The following TBC1D22A variants were observed in gnomAD, a reference collection of about 807,000 sequenced individuals.
TBC1D22A encodes TBC1 domain family member 22A.
Under a neutral mutation model 60.2 loss-of-function variants are expected in TBC1D22A, and 38 were observed. The ratio of observed to expected loss-of-function variants is 0.63; its 90% CI spans 0.49 to 0.83. The LOEUF is 0.83. Among genes scored for constraint, TBC1D22A ranks in the 40% least tolerant of loss-of-function variants. The pLI, the probability that TBC1D22A is intolerant of heterozygous loss-of-function variation, is 0.00. For missense variants in TBC1D22A, 628 were observed against 701.0 expected, an observed-to-expected ratio of 0.90 and a Z score of 1.18; for synonymous variants, 302 against 281.7, an observed-to-expected ratio of 1.07 and a Z score of -0.72.
intron 11 of TBC1D22A, among the ~76,000 whole-genome samples, chr22:47,084,426 T>C (rs778310263): frequency 5.3e-5 from 8 of 152,206 alleles, no homozygotes; most frequent in Non-Finnish European, 1.0e-4. Context: ...AAATGCAGAT[T>C]CATGAGTCTC....
intron 2 of TBC1D22A, among the ~76,000 whole-genome samples, chr22:46,793,272 C>G (rs922287938): frequency 3.9e-5 from 6 of 152,196 alleles, no homozygotes; most frequent in African/African-American, 1.4e-4. Flanking sequence ...TGCGCCTCCT[C>G]CCAGGTGACC....
At chr22:46,800,316 C>T (rs1413873315) in intron 4 of TBC1D22A, among the ~76,000 whole-genome samples, 1 of 152,110 alleles carries the variant, frequency 6.6e-6, no homozygotes, top group Non-Finnish European at 1.5e-5. Context: ...TGTGAGTTCG[C>T]CTAGAGCACC....
intron 11 of TBC1D22A, among the ~76,000 whole-genome samples, chr22:47,097,750 A>G (rs1406666544): frequency 2.6e-5 from 4 of 152,340 alleles, no homozygotes; most frequent in Non-Finnish European, 4.4e-5. Flanking sequence ...TATGTCTTTC[A>G]GGTAACTTTT....
At chr22:47,096,259 A>G (rs1008546949) in intron 11 of TBC1D22A, among the ~76,000 whole-genome samples, 4 of 152,016 alleles carry the variant, frequency 2.6e-5, no homozygotes, top group Non-Finnish European at 5.9e-5. Context: ...TAAACTTTGT[A>G]TTCATCATCT....
chr22:47,072,358 T>C (rs898253135), intron 11 of TBC1D22A, among the ~76,000 whole-genome samples: 10 of 152,194 alleles, frequency 6.6e-5, no homozygotes, highest in Admixed American at 3.9e-4. Context: ...CACCAAGCAA[T>C]TGTGTGATTC....
chr22:46,770,290 A>G (rs2083440629), intron 1 of TBC1D22A, among the ~76,000 whole-genome samples: 2 of 152,214 alleles, frequency 1.3e-5, no homozygotes, highest in Admixed American at 1.3e-4. Flanking sequence ...TGCATCCGCC[A>G]GGAGCTGAAT....
At chr22:47,128,635 A>G (rs1054856808) in intron 12 of TBC1D22A, among the ~76,000 whole-genome samples, 1 of 151,970 alleles carries the variant, frequency 6.6e-6, no homozygotes, top group African/African-American at 2.4e-5. Flanking sequence ...GCTCACAGCT[A>G]TCCGTGTGTT....
intron 11 of TBC1D22A, among the ~76,000 whole-genome samples, chr22:47,074,158 A>G (rs1200379802): frequency 6.6e-6 from 1 of 152,118 alleles, no homozygotes; most frequent in East Asian, 1.9e-4. Flanking sequence ...TAACATCCTG[A>G]CTCTTGTTTT....
intron 8 of TBC1D22A, among the ~76,000 whole-genome samples, chr22:46,960,265 T>C (rs1293007594): frequency 6.6e-6 from 1 of 152,042 alleles, no homozygotes; most frequent in Non-Finnish European, 1.5e-5. Flanking sequence ...GTTGGACTCA[T>C]CTTTTTTTTT....
At chr22:47,076,359 G>GTATATATATATATA (rs1375339824) in intron 11 of TBC1D22A, among the ~76,000 whole-genome samples, 7 of 85,152 alleles carry the variant, frequency 8.2e-5, no homozygotes, top group Admixed American at 7.3e-4. Flanking sequence ...ATATATGTGT[G>GTATATATATATATA]TGTATATATA....
At chr22:46,785,066 A>G (rs1309817267) in intron 1 of TBC1D22A, among the ~76,000 whole-genome samples, 1 of 152,214 alleles carries the variant, frequency 6.6e-6, no homozygotes, top group Non-Finnish European at 1.5e-5. Flanking sequence ...AGCAGGCTGT[A>G]TCTTTTTCCC....
chr22:46,827,690 G>A (rs2086129985), intron 4 of TBC1D22A, among the ~76,000 whole-genome samples: 1 of 152,184 alleles, frequency 6.6e-6, no homozygotes, highest in Non-Finnish European at 1.5e-5. Context: ...GGTGGTGTGA[G>A]TGAGGTCTCA....
chr22:46,783,670 C>T (rs143381283), intron 1 of TBC1D22A, among the ~76,000 whole-genome samples: 1 of 152,188 alleles, frequency 6.6e-6, no homozygotes, highest in East Asian at 1.9e-4. Context: ...TAAAGGATGC[C>T]ACACTGTCAA....
intron 10 of TBC1D22A, among the ~76,000 whole-genome samples, chr22:47,007,901 C>G (rs2061640515): frequency 1.3e-5 from 2 of 152,190 alleles, no homozygotes; most frequent in Non-Finnish European, 2.9e-5. Context: ...CACTAACATT[C>G]AGCTTGGAAG....
chr22:47,141,803 C>T (rs560862330), intron 12 of TBC1D22A, among the ~76,000 whole-genome samples: 9 of 152,336 alleles, frequency 5.9e-5, no homozygotes, highest in African/African-American at 1.4e-4. Context: ...AAGGAAATGA[C>T]GTGGATAATA....
intron 11 of TBC1D22A, among the ~76,000 whole-genome samples, chr22:47,062,557 GGTGCTTC>G (rs2063616216): frequency 6.6e-6 from 1 of 152,224 alleles, no homozygotes; most frequent in Admixed American, 6.5e-5. Flanking sequence ...TACAGTGCAT[GGTGCTTC>G]CTCTAGCGTG....
At chr22:47,150,003 C>T (rs549105203) in intron 12 of TBC1D22A, among the ~76,000 whole-genome samples, 2 of 152,180 alleles carry the variant, frequency 1.3e-5, no homozygotes, top group Admixed American at 6.5e-5. Context: ...TCAGGGGCAG[C>T]GGGGCTGGGC....
At chr22:47,127,411 T>C (rs997044366) in intron 12 of TBC1D22A, among the ~76,000 whole-genome samples, 1 of 149,106 alleles carries the variant, frequency 6.7e-6, no homozygotes, top group Non-Finnish European at 1.5e-5. Context: ...TTTTTTTTTT[T>C]TGTATTTTTA....
At chr22:46,876,961 T>C (rs2067597221) in intron 4 of TBC1D22A, among the ~76,000 whole-genome samples, 2 of 152,256 alleles carry the variant, frequency 1.3e-5, no homozygotes, top group Admixed American at 6.5e-5. Flanking sequence ...GAACCATCCC[T>C]CCTTCATTCT....
Sources: gnomAD v4.1 joint callset for allele counts (sites outside exome capture counted in the v4.1 genomes callset) on GRCh38, gnomAD v4.1.1 for gene constraint, MANE v1.5 for transcripts, NCBI Gene and HGNC (gene_info 2026-07-23, HGNC 2026-07-21) for gene names.